KCTD2: variants seen among roughly 807,000 people sequenced by gnomAD.
KCTD2 encodes the protein potassium channel tetramerization domain containing 2.
A neutral mutation model predicts 27.9 loss-of-function variants in KCTD2; 18 were observed. The ratio of observed to expected loss-of-function variants is 0.64; its 90% confidence interval spans 0.45 to 0.96. The LOEUF is 0.96. Among genes scored for constraint, KCTD2 ranks in the 40% least tolerant of loss-of-function variants. The pLI is 0.00. For missense variants in KCTD2, 280 were observed against 348.0 expected (o/e 0.80, Z 1.56); for synonymous variants, 175 against 148.4 (o/e 1.18, Z -1.30).
At chr17:75,049,802 A>C (rs1307389914) in intron 2 of KCTD2, among the ~76,000 whole-genome samples, 2 of 152,212 alleles carry the variant, frequency 1.3e-5, no homozygotes, top group African/African-American at 4.8e-5. Flanking sequence ...CAGCTGACCT[A>C]ATTCATTCTC....
rs1470067703 is a variant in KCTD2, at chr17:75,038,032, G to A, written c.-259+2675G>A. Among the ~76,000 whole-genome samples the A allele has an allele frequency of 5.3e-5, 8 of 152,210 alleles. No homozygotes were observed. The East Asian group carries it at 9.7e-4, about 18-fold the overall frequency. On this transcript the variant is annotated intron_variant, in intron 3 of 7. Transcript: ENST00000581589. ...CCACTGCACTCCAGCCTGGGCGACA[G>A]AGTGAGACTCCATCTTAAAAAATAA... is the stretch of plus-strand genomic sequence containing the variant.
chr17:75,061,466 C>T (rs889967368), intron 4 of KCTD2, among the ~76,000 whole-genome samples: 2 of 152,072 alleles, frequency 1.3e-5, no homozygotes, highest in African/African-American at 4.8e-5. Context: ...GGCAACATAG[C>T]GAGACCCCCC....
intron 4 of KCTD2, among the ~76,000 whole-genome samples, chr17:75,061,010 C>T (rs1300821996): frequency 6.6e-6 from 1 of 152,200 alleles, no homozygotes; most frequent in Non-Finnish European, 1.5e-5. Flanking sequence ...GTTTAATGCC[C>T]TCCACTCCAG....
In KCTD2 at chr17:75,037,966, A is replaced by G. The variant is rs147451867; in HGVS notation, c.-259+2609A>G. 5.0e-3 allele frequency among the ~76,000 whole-genome samples: 755 copies of G among 151,968 alleles called. 2 individuals carry two copies. The highest frequency in any genetic ancestry group is 8.2e-3 in the Non-Finnish European group (558 of 67,934). ...CAGGAGGCTAAGGCAGGAGAATGGC[A>G]TGAACCCATGAGGTAAAGGTTGCAG... On this transcript the variant is annotated intron_variant, in intron 3 of 7. Transcript: ENST00000581589.
intron 3 of KCTD2, among the ~76,000 whole-genome samples, chr17:75,054,279 C>T (rs968356456): frequency 2.6e-5 from 4 of 152,116 alleles, no homozygotes; most frequent in Non-Finnish European, 5.9e-5. Context: ...TCCCAAAGTT[C>T]TGGAATTACA....
upstream of KCTD2, among the ~76,000 whole-genome samples, chr17:75,045,177 GGA>G (rs2073200904): frequency 6.6e-6 from 1 of 152,164 alleles, no homozygotes; most frequent in Non-Finnish European, 1.5e-5. Context: ...TTTTTATTAG[GGA>G]GTTTCAAAAG....
chr17:75,063,173 A>G lies in KCTD2; in HGVS notation c.*126A>G, dbSNP rs1850229454. 3 of 924,152 alleles carry G rather than the reference A, an allele frequency of 3.2e-6. No individual in the cohort carries two copies. The highest frequency in any genetic ancestry group is 5.2e-6 in the Non-Finnish European group (3 of 572,516). The allele number at this position is 924,152 out of a possible 1,614,324, so 57.2% of individuals were successfully genotyped here. ...CACAGCTGATCCTGGCCCCCTGTGA[A>G]GAAGTGTTCTGGTCAAAACTAAAGG... On this transcript the variant is annotated 3_prime_UTR_variant, in exon 6 of 6. Transcript: ENST00000322444.
At chr17:75,052,583 C>T (rs573774227) in intron 2 of KCTD2, among the ~76,000 whole-genome samples, 2 of 152,246 alleles carry the variant, frequency 1.3e-5, no homozygotes, top group East Asian at 1.9e-4. Context: ...ATTAGCCAGG[C>T]GTGGTGGCAA....
In KCTD2 at chr17:75,049,228, A is replaced by C; in HGVS notation, c.348A>C (p.Thr116=). 1 of 1,607,648 alleles carries C rather than the reference A, an allele frequency of 6.2e-7. No homozygotes were observed. The highest frequency in any genetic ancestry group is 8.5e-7 in the Non-Finnish European group (1 of 1,174,286). The part of the protein sequence containing the change: ...DPELDSDKDE[T]GAYLIDRDPT... ...TTGTGTTTGGTTGGCAGGATGAGAC[A>C]GGAGCCTATCTGATTGACAGGGACC... The change falls in exon 2 of 6, where the codon ACA becomes ACC. Residue 116 remains threonine (T), a synonymous_variant. Transcript: ENST00000322444.
Position 75,053,080 on chromosome 17 carries a change from G to C in KCTD2, c.515G>C (p.Arg172Pro). 6.2e-7 allele frequency: 1 copy of C among 1,613,752 alleles called. No homozygotes were observed. Among genetic ancestry groups the C allele is most frequent in the Non-Finnish European group, 8.5e-7 (1 of 1,179,774 alleles). ...SLVRLVKERIRDNENRTSQGP... is the reference protein window; with the variant it reads ...SLVRLVKERIPDNENRTSQGP... Reference sequence around the variant, plus strand: ...GTGCGGCTGGTTAAGGAAAGGATACGGGACAATGAGAACAGAACTTCACAA... The same window carrying C: ...GTGCGGCTGGTTAAGGAAAGGATACCGGACAATGAGAACAGAACTTCACAA... Residue 172 changes from arginine (R) to proline (P), a missense_variant, in exon 3 of 6, where the codon CGG (arginine) becomes CCG (proline). By Grantham distance (103) the Arg-to-Pro change is moderately radical. Coordinates refer to ENST00000322444, the MANE Select transcript of KCTD2 (RefSeq NM_015353.3).
At chr17:75,054,377 GGAAA>G (rs1208842020) in intron 3 of KCTD2, among the ~76,000 whole-genome samples, 2 of 152,098 alleles carry the variant, frequency 1.3e-5, no homozygotes, top group African/African-American at 2.4e-5. Flanking sequence ...CCTAGTTAGA[GGAAA>G]GAAAGATGTT....
At chr17:75,037,361 AAAAG>A (rs2073113123) in intron 3 of KCTD2, among the ~76,000 whole-genome samples, 1 of 151,410 alleles carries the variant, frequency 6.6e-6, no homozygotes, top group Non-Finnish European at 1.5e-5. Flanking sequence ...AAAAAAAAAA[AAAAG>A]AAATGGCAGA....
chr17:75,041,912 G>A lies in KCTD2; in HGVS notation c.-259+6555G>A, dbSNP rs117302657. Reference sequence around the variant, plus strand: ...GCCTAAGAAGGGGTGAACCGGCCCAGGTCAGAAACAGAGCAGGTCAAAACT... The same window carrying A: ...GCCTAAGAAGGGGTGAACCGGCCCAAGTCAGAAACAGAGCAGGTCAAAACT... On this transcript the variant is annotated intron_variant, in intron 3 of 7. Transcript: ENST00000581589. 1.4e-4 allele frequency: 45 copies of A among 318,600 alleles called. No individual in the cohort carries two copies. The East Asian group carries it at 1.8e-3, about 13-fold the overall frequency. The allele number at this position is 318,600 out of a possible 1,614,324, so 19.7% of individuals were successfully genotyped here.
chr17:75,054,546 C>T (rs1010989811), intron 3 of KCTD2, among the ~76,000 whole-genome samples: 7 of 152,112 alleles, frequency 4.6e-5, no homozygotes, highest in African/African-American at 1.4e-4. Context: ...TGGCTCACGC[C>T]TGTAATCCCA....
At chr17:75,057,974 C>T (rs1039406251) in intron 3 of KCTD2, among the ~76,000 whole-genome samples, 2 of 151,922 alleles carry the variant, frequency 1.3e-5, no homozygotes, top group Non-Finnish European at 2.9e-5. Flanking sequence ...GTGGGTGGAT[C>T]GCCTCAGGTC....
intron 3 of KCTD2, chr17:75,036,123 G>C (rs943691692): frequency 4.5e-6 from 2 of 440,072 alleles, no homozygotes; most frequent in South Asian, 1.6e-5. Context: ...GCGTGATCTC[G>C]GCTCACTTCA....
At chr17:75,037,483 T>C (rs1162344145) in intron 3 of KCTD2, among the ~76,000 whole-genome samples, 1 of 152,200 alleles carries the variant, frequency 6.6e-6, no homozygotes, top group Non-Finnish European at 1.5e-5. Context: ...TCCCAGGTTA[T>C]CTCATTTAAT....
chr17:75,057,803 C>T (rs946414532), intron 3 of KCTD2, among the ~76,000 whole-genome samples: 30 of 151,828 alleles, frequency 2.0e-4, no homozygotes, highest in African/African-American at 7.0e-4. Context: ...TCAGATGATC[C>T]GCCCACCTCG....
rs376457589 is a variant in KCTD2, at chr17:75,059,544, G to T, written c.575G>T (p.Cys192Phe). 3.7e-6 allele frequency: 6 copies of T among 1,614,012 alleles called. No individual in the cohort carries two copies. In the African/African-American group the frequency reaches 8.0e-5, roughly 22 times the overall value. Reference protein sequence around the residue: ...PVKHVYRVLQCQEEELTQMVS... With the variant: ...PVKHVYRVLQFQEEELTQMVS... ...AAGCACGTGTACAGAGTCCTGCAGT[G>T]TCAGGAAGAAGAGCTCACGCAGATG... The change falls in exon 4 of 6, where the codon TGT becomes TTT. Residue 192 changes from cysteine (C) to phenylalanine (F), a missense_variant. Coordinates refer to ENST00000322444, the MANE Select transcript of KCTD2 (RefSeq NM_015353.3).
Sources: allele counts gnomAD v4.1 joint callset (sites outside exome capture counted in the v4.1 genomes callset), GRCh38; gene constraint gnomAD v4.1.1; transcripts MANE v1.5; gene names NCBI Gene and HGNC (gene_info 2026-07-23, HGNC 2026-07-21).